Variants in LRP1B observed in about 807,000 individuals in gnomAD.
LRP1B encodes the protein LDL receptor related protein 1B.
A neutral mutation model predicts 556.6 loss-of-function variants in LRP1B; 217 were observed. The observed-to-expected ratio is 0.39, with a 90% CI of 0.35 to 0.44. The LOEUF (loss-of-function observed/expected upper bound fraction) is 0.44, where lower values mean the gene tolerates loss of function less well. Among genes scored for constraint, LRP1B ranks in the 20% least tolerant of loss-of-function variants. The pLI is 1.00. For missense variants in LRP1B, 5,053 were observed against 5,620.8 expected, an observed-to-expected ratio of 0.90 and a Z score of 3.23; for synonymous variants, 2,047 against 1,865.8, an observed-to-expected ratio of 1.10 and a Z score of -2.50.
At chr2:140,972,988 T>C (rs991387774) in intron 18 of LRP1B, among the ~76,000 whole-genome samples, 25 of 147,808 alleles carry the variant, frequency 1.7e-4, no homozygotes, top group African/African-American at 6.1e-4. Flanking sequence ...TAAATACATA[T>C]ATATTTACAT....
chr2:142,033,819 TATA>T (rs142683934), intron 1 of LRP1B, among the ~76,000 whole-genome samples: 4,051 of 151,898 alleles, frequency 0.027, 71 homozygotes, highest in Non-Finnish European at 0.04. Flanking sequence ...CATTGTGTTC[TATA>T]ATAATAATTC....
At chr2:141,985,768 C>T (rs1702170294) in intron 1 of LRP1B, among the ~76,000 whole-genome samples, 1 of 151,854 alleles carries the variant, frequency 6.6e-6, no homozygotes, top group Non-Finnish European at 1.5e-5. Context: ...CAGATTGAAG[C>T]AATTAAGCTT....
chr2:140,943,423 G>C (rs758944069), intron 20 of LRP1B, among the ~76,000 whole-genome samples: 15 of 151,940 alleles, frequency 9.9e-5, no homozygotes, highest in Non-Finnish European at 2.1e-4. Context: ...CAACCCATTA[G>C]ATTTAATAGA....
intron 1 of LRP1B, among the ~76,000 whole-genome samples, chr2:141,911,574 G>T (rs1299786308): frequency 2.0e-5 from 3 of 152,086 alleles, no homozygotes; most frequent in Non-Finnish European, 4.4e-5. Context: ...GTCTTTTCAA[G>T]AAACTACACT....
At position 140,358,883 on chromosome 2, in the gene LRP1B, G is replaced by A. The variant is rs373553527; in HGVS notation, c.11195C>T (p.Ser3732Leu). Residue 3732 changes from serine to leucine, a missense_variant, in exon 73 of 91, where the codon TCG becomes TTG. Ser to Leu is a moderately radical substitution (Grantham distance 145, BLOSUM62 -2). Around this residue, in one of 5 missense-constraint regions of LRP1B, gnomAD observed 599 missense variants for 648.4 expected, o/e 0.92. Coordinates refer to ENST00000389484, the MANE Select transcript of LRP1B (RefSeq NM_018557.3). ...ATCAATCCCATTGCACATTTGCTCC[G>A]ACTGTAGGCATATTCTGTTATTTCT... ...RCRNNRICLQ[S>L]EQMCNGIDEC... The A allele has an allele frequency of 2.8e-5, 45 of 1,608,990 alleles. No individual in the cohort carries two copies. Among genetic ancestry groups the A allele is most frequent in the Middle Eastern group, 1.7e-4 (1 of 6,030 alleles).
intron 1 of LRP1B, among the ~76,000 whole-genome samples, chr2:141,828,785 C>T (rs1222581917): frequency 2.0e-5 from 3 of 152,008 alleles, no homozygotes; most frequent in Non-Finnish European, 4.4e-5. Context: ...GTACTCTTCC[C>T]TGTTATGGGA....
intron 41 of LRP1B, among the ~76,000 whole-genome samples, chr2:140,638,823 A>G (rs1684169293): frequency 6.6e-6 from 1 of 150,832 alleles, no homozygotes; most frequent in Non-Finnish European, 1.5e-5. Context: ...GTATATATAC[A>G]AAATTATATA....
chr2:140,917,526 C>T (rs746811001), intron 21 of LRP1B, among the ~76,000 whole-genome samples: 3 of 152,014 alleles, frequency 2.0e-5, no homozygotes, highest in Non-Finnish European at 4.4e-5. Context: ...TTTCAACTAC[C>T]AACCCGTGAA....
chr2:140,884,144 A>G, intron 24 of LRP1B, 123 bp from the exon 25 acceptor site: 1 of 875,506 alleles, frequency 1.1e-6, no homozygotes, highest in Non-Finnish European at 1.7e-6. Flanking sequence ...ACTTTGAGAG[A>G]TTGCAAAAGT....
chr2:140,628,573 T>TCACACTA (rs964775264), intron 41 of LRP1B, among the ~76,000 whole-genome samples: 1 of 151,362 alleles, frequency 6.6e-6, no homozygotes, highest in Non-Finnish European at 1.5e-5. Context: ...CCAAGCTCAC[T>TCACACTA]CACACTACAA....
intron 7 of LRP1B, among the ~76,000 whole-genome samples, chr2:141,084,794 T>C (rs975681542): frequency 2.6e-5 from 4 of 151,914 alleles, no homozygotes; most frequent in Non-Finnish European, 5.9e-5. Flanking sequence ...GGACTACAGG[T>C]GCCCATCACC....
At chr2:140,435,823 T>C (rs539975662) in intron 66 of LRP1B, among the ~76,000 whole-genome samples, 2 of 152,138 alleles carry the variant, frequency 1.3e-5, no homozygotes, top group Non-Finnish European at 2.9e-5. Context: ...CATGTAGTCA[T>C]TCATTTCTCC....
At chr2:140,888,146 A>G (rs1333974542) in intron 23 of LRP1B, among the ~76,000 whole-genome samples, 2 of 152,152 alleles carry the variant, frequency 1.3e-5, no homozygotes, top group Admixed American at 1.3e-4. Flanking sequence ...TCCATATATC[A>G]TTAATTTTTT....
At chr2:140,260,116 TTGCTATCTTGTTTGTGACCACA>T (rs1483192428) in intron 86 of LRP1B, among the ~76,000 whole-genome samples, 7 of 151,968 alleles carry the variant, frequency 4.6e-5, no homozygotes, top group Non-Finnish European at 8.8e-5. Flanking sequence ...AAAACTAACA[TTGCTATCTTGTTTGTGACCACA>T]TGGAGAATTG....
At chr2:140,795,794 C>A (rs2104996689) in intron 32 of LRP1B, among the ~76,000 whole-genome samples, 1 of 152,200 alleles carries the variant, frequency 6.6e-6, no homozygotes, top group South Asian at 2.1e-4. Context: ...GATGAGGACA[C>A]AATTCCAAGA....
At chr2:140,358,752 T>C (rs914372511) in intron 73 of LRP1B, 69 bp downstream of exon 73, 8 of 1,525,182 alleles carry the variant, frequency 5.2e-6, no homozygotes, top group South Asian at 1.1e-5. Flanking sequence ...TTTTTTAAAA[T>C]GTTTGTACTC....
At chr2:140,445,677 C>T (rs957457281) in intron 63 of LRP1B, among the ~76,000 whole-genome samples, 1 of 151,940 alleles carries the variant, frequency 6.6e-6, no homozygotes, top group African/African-American at 2.4e-5. Flanking sequence ...TGGGCTAGAC[C>T]CCTTCACATA....
chr2:141,357,550 A>T (rs1688671775), intron 3 of LRP1B, among the ~76,000 whole-genome samples: 1 of 152,242 alleles, frequency 6.6e-6, no homozygotes, highest in African/African-American at 2.4e-5. Context: ...TTATGATATC[A>T]AGAAATAATA....
Position 142,021,319 on chromosome 2 carries a change from C to CGT in LRP1B, c.82+109327_82+109328dup, listed in dbSNP as rs35409411. On this transcript the variant is annotated intron_variant, in intron 1 of 90. Coordinates refer to ENST00000389484, the MANE Select transcript of LRP1B (RefSeq NM_018557.3). ...AAATCTTCCTCTGTGTGTGTATGTGCGTGTGTGTGTGTGTGTCAGAGTGGA... is the reference window on the plus strand; with the variant it reads ...AAATCTTCCTCTGTGTGTGTATGTGCGTGTGTGTGTGTGTGTGTCAGAGTGGA... Among the ~76,000 whole-genome samples, 72 of 150,984 alleles carry CGT rather than the reference C, an allele frequency of 4.8e-4. 1 individual carries two copies. Among genetic ancestry groups the CGT allele is most frequent in the African/African-American group, 1.5e-3 (63 of 41,206 alleles).
Sources: gnomAD v4.1 joint callset for allele counts (sites outside exome capture counted in the v4.1 genomes callset) on GRCh38, gnomAD v4.1.1 for gene constraint, gnomAD v4.1.1 regional missense constraint, MANE v1.5 for transcripts, NCBI Gene and HGNC (gene_info 2026-07-23, HGNC 2026-07-21) for gene names.